Variants in CDK14 observed in about 807,000 individuals in gnomAD.
The protein encoded by CDK14 is cyclin dependent kinase 14, also known as cyclin-dependent kinase 14.
A neutral mutation model predicts 60.7 loss-of-function variants in CDK14; 34 were observed. The observed-to-expected ratio is 0.56, with a 90% CI of 0.43 to 0.75. The LOEUF (loss-of-function observed/expected upper bound fraction) is 0.75. CDK14 is among the 30% of genes least tolerant of loss of function. The pLI is 0.00. For missense variants in CDK14, 482 were observed against 564.1 expected (o/e 0.85, Z 1.47); for synonymous variants, 197 against 203.7 (o/e 0.97, Z 0.28).
intron 2 of CDK14, among the ~76,000 whole-genome samples, chr7:90,723,750 G>A (rs1802537150): frequency 6.6e-6 from 1 of 152,162 alleles, no homozygotes; most frequent in Non-Finnish European, 1.5e-5. Context: ...ACAGATTTGT[G>A]AATGTTAAGC....
chr7:91,136,555 ATATCT>A (rs1347004302), intron 14 of CDK14, among the ~76,000 whole-genome samples: 1 of 152,212 alleles, frequency 6.6e-6, no homozygotes, highest in African/African-American at 2.4e-5. Flanking sequence ...TAAAAATGTG[ATATCT>A]TAACACATTT....
chr7:90,978,160 T>C (rs1347058476), intron 9 of CDK14, among the ~76,000 whole-genome samples: 2 of 151,576 alleles, frequency 1.3e-5, no homozygotes, highest in Non-Finnish European at 2.9e-5. Context: ...TGGGAAAGAG[T>C]GTGGCAAGTT....
chr7:90,868,381 T>C (rs1257481626), intron 6 of CDK14, among the ~76,000 whole-genome samples: 2 of 151,748 alleles, frequency 1.3e-5, no homozygotes, highest in Non-Finnish European at 2.9e-5. Context: ...TTGCCTTGAT[T>C]GTGGTGATGG....
chr7:90,961,473 T>G, intron 9 of CDK14, among the ~76,000 whole-genome samples: 1 of 152,246 alleles, frequency 6.6e-6, no homozygotes, highest in East Asian at 1.9e-4. Flanking sequence ...TTTATTACTT[T>G]TGCTAAAATG....
chr7:91,077,773 C>T (rs1341629815), intron 11 of CDK14, among the ~76,000 whole-genome samples: 2 of 142,870 alleles, frequency 1.4e-5, no homozygotes, highest in African/African-American at 2.6e-5. Context: ...CACACACACA[C>T]ACGGGCAAAC....
intron 5 of CDK14, among the ~76,000 whole-genome samples, chr7:90,851,591 G>C (rs183988286): frequency 3.5e-4 from 54 of 152,200 alleles, no homozygotes; most frequent in Non-Finnish European, 2.2e-4. Context: ...CCCCTCAACT[G>C]TTTGTAACCC....
intron 5 of CDK14, among the ~76,000 whole-genome samples, chr7:90,831,932 C>G (rs1446425819): frequency 6.6e-6 from 1 of 152,056 alleles, no homozygotes; most frequent in Admixed American, 6.6e-5. Flanking sequence ...CCCTCAGAAC[C>G]TTTGGACTTA....
chr7:90,747,718 A>G lies in CDK14; in HGVS notation c.407A>G (p.Glu136Gly). The G allele has an allele frequency of 6.3e-7, 1 of 1,598,540 alleles. No homozygotes were observed. The highest frequency in any genetic ancestry group is 8.5e-7 in the Non-Finnish European group (1 of 1,174,974). Residue 136 changes from glutamate (E) to glycine (G), a missense_variant, in exon 4 of 15, where the codon GAA becomes GGA. Transcript: ENST00000380050. ...AAATTTGGAAAAGCTGACTCATATG[A>G]AAAGCTGGAAAAACTAGGGGAAGGA... is the stretch of plus-strand genomic sequence containing the variant. Reference protein sequence around the residue: ...SPKFGKADSYEKLEKLGEGSY... With the variant: ...SPKFGKADSYGKLEKLGEGSY...
intron 5 of CDK14, among the ~76,000 whole-genome samples, chr7:90,856,294 C>T (rs979667756): frequency 9.2e-5 from 14 of 152,180 alleles, no homozygotes; most frequent in African/African-American, 3.4e-4. Flanking sequence ...CCACAGTTGA[C>T]TCTTTGTACA....
At chr7:90,827,239 A>G (rs1243817137) in intron 5 of CDK14, among the ~76,000 whole-genome samples, 2 of 152,224 alleles carry the variant, frequency 1.3e-5, no homozygotes, top group South Asian at 2.1e-4. Context: ...TCATTCAGCA[A>G]TTTGCATTTA....
At chr7:90,634,574 A>T (rs1328007965) in intron 2 of CDK14, among the ~76,000 whole-genome samples, 6 of 152,032 alleles carry the variant, frequency 3.9e-5, no homozygotes, top group Admixed American at 2.6e-4. Context: ...GCTATTGTGA[A>T]TAGTGCCTCA....
chr7:90,611,515 C>T (rs1042826825), intron 2 of CDK14, among the ~76,000 whole-genome samples: 2 of 152,226 alleles, frequency 1.3e-5, no homozygotes, highest in East Asian at 3.8e-4. Context: ...GCTATCCTAA[C>T]CTTTTCTCCA....
At chr7:90,841,647 T>C (rs1192957314) in intron 5 of CDK14, among the ~76,000 whole-genome samples, 2 of 86,648 alleles carry the variant, frequency 2.3e-5, no homozygotes, top group African/African-American at 8.1e-5. Context: ...ATTTTCATCA[T>C]ATATATATAT....
At chr7:91,079,934 T>C (rs1012353175) in intron 12 of CDK14, among the ~76,000 whole-genome samples, 1 of 152,204 alleles carries the variant, frequency 6.6e-6, no homozygotes, top group Non-Finnish European at 1.5e-5. Context: ...ATGACTGAAG[T>C]GTGTGTTCTC....
At chr7:90,774,083 T>A (rs1804914751) in intron 4 of CDK14, among the ~76,000 whole-genome samples, 1 of 151,894 alleles carries the variant, frequency 6.6e-6, no homozygotes, top group Non-Finnish European at 1.5e-5. Context: ...TTTGTATTTT[T>A]AGTAGAGATG....
intron 11 of CDK14, among the ~76,000 whole-genome samples, chr7:91,049,975 G>A (rs1797345086): frequency 6.6e-6 from 1 of 152,170 alleles, no homozygotes; most frequent in Non-Finnish European, 1.5e-5. Context: ...GGTAATCAAG[G>A]AAGGCCTCCC....
chr7:91,089,569 GGA>G (rs1491358949), intron 12 of CDK14, among the ~76,000 whole-genome samples: 3 of 106,074 alleles, frequency 2.8e-5, no homozygotes, highest in Admixed American at 9.5e-5. Flanking sequence ...TGCTCTGAGG[GGA>G]AAAAAAAAAA....
At chr7:91,181,426 C>A (rs1002408611) in intron 14 of CDK14, among the ~76,000 whole-genome samples, 4 of 151,896 alleles carry the variant, frequency 2.6e-5, no homozygotes, top group African/African-American at 9.7e-5. Flanking sequence ...TTTTTTAAGG[C>A]AAAAATATTT....
intron 11 of CDK14, among the ~76,000 whole-genome samples, chr7:91,061,775 G>A (rs1033460096): frequency 2.6e-5 from 4 of 152,210 alleles, no homozygotes; most frequent in African/African-American, 9.6e-5. Context: ...TGTCTCAGAG[G>A]AGTACCCGGC....
Sources: gnomAD v4.1 joint callset for allele counts (sites outside exome capture counted in the v4.1 genomes callset) on GRCh38, gnomAD v4.1.1 for gene constraint, MANE v1.5 for transcripts, NCBI Gene and HGNC (gene_info 2026-07-23, HGNC 2026-07-21) for gene names.